Variants in PIEZO2 observed in about 807,000 individuals in gnomAD.
The protein encoded by PIEZO2 is piezo-type mechanosensitive ion channel component 2.
In PIEZO2, 172 loss-of-function variants were observed where a neutral mutation model predicts 337.3. The observed-to-expected ratio is 0.51, with a 90% CI of 0.45 to 0.58. PIEZO2 has a LOEUF of 0.58. Among genes scored for constraint, PIEZO2 ranks in the 20% least tolerant of loss-of-function variants. The probability of loss-of-function intolerance (pLI) is 0.00; values close to 1 mark genes in which losing one functional copy is unlikely to be tolerated. For missense variants in PIEZO2, 3,028 were observed against 3,391.3 expected, an observed-to-expected ratio of 0.89 and a Z score of 2.66; for synonymous variants, 1,251 against 1,228.5, an observed-to-expected ratio of 1.02 and a Z score of -0.38.
intron 2 of PIEZO2, among the ~76,000 whole-genome samples, chr18:11,054,023 C>T (rs1051626416): frequency 9.2e-5 from 14 of 152,110 alleles, no homozygotes; most frequent in African/African-American, 3.4e-4. Context: ...AACCCCATCT[C>T]AAAATAAACA....
At position 10,981,317 on chromosome 18, in the gene PIEZO2, T is replaced by C. The variant is rs190197819; in HGVS notation, c.161-1657A>G. ...CATCTTATGTAACACATAATAGATA[T>C]GAAATCCATAAAATATTAGCAAAAT... On this transcript the variant is annotated intron_variant, in intron 2 of 55. Coordinates refer to ENST00000674853, the MANE Select transcript of PIEZO2 (RefSeq NM_001378183.1). 2.6e-5 allele frequency among the ~76,000 whole-genome samples: 4 copies of C among 152,158 alleles called. 1 individual carries two copies. The highest frequency in any genetic ancestry group is 2.6e-4 in the Admixed American group (4 of 15,272).
chr18:10,813,366 G>T lies in PIEZO2; in HGVS notation c.918-6092C>A, dbSNP rs147721111. ...CCAATCGCCAGAACTTTTTCATCTT[G>T]CAAAACTAAAATTCTGTACACATTA... On this transcript the variant is annotated intron_variant, in intron 7 of 55. Transcript: ENST00000674853. The surrounding 1 kb of genome is among the most constrained non-coding windows in gnomAD (Gnocchi z 4.2). 2.1e-4 allele frequency among the ~76,000 whole-genome samples: 32 copies of T among 152,210 alleles called. No homozygotes were observed. In the East Asian group the frequency reaches 4.8e-3, roughly 23 times the overall value.
chr18:10,852,569 G>A (rs1272107375), intron 7 of PIEZO2, among the ~76,000 whole-genome samples: 1 of 152,138 alleles, frequency 6.6e-6, no homozygotes, highest in Non-Finnish European at 1.5e-5. Flanking sequence ...AGGCCACTGG[G>A]CCCTCTCACA....
At chr18:10,700,799 C>T (rs1052329973) in intron 43 of PIEZO2, among the ~76,000 whole-genome samples, 1 of 152,188 alleles carries the variant, frequency 6.6e-6, no homozygotes, top group Non-Finnish European at 1.5e-5. Flanking sequence ...ATTAACATAT[C>T]CAACAGAAGA....
At chr18:11,044,481 A>G (rs1015107332) in intron 2 of PIEZO2, among the ~76,000 whole-genome samples, 3 of 152,296 alleles carry the variant, frequency 2.0e-5, no homozygotes, top group Non-Finnish European at 4.4e-5. Context: ...TGTGAATCAA[A>G]TACAGAGAAT....
chr18:10,925,588 T>C (rs1568205382), intron 3 of PIEZO2, among the ~76,000 whole-genome samples: 1 of 152,148 alleles, frequency 6.6e-6, no homozygotes, highest in Non-Finnish European at 1.5e-5. Context: ...AAAAAAAATT[T>C]TTTTTTTCTG....
At chr18:10,885,501 G>A (rs908116006) in intron 4 of PIEZO2, among the ~76,000 whole-genome samples, 2 of 152,166 alleles carry the variant, frequency 1.3e-5, no homozygotes, top group Non-Finnish European at 2.9e-5. Context: ...CCCTCAGTTG[G>A]TGAAGTATGT....
At chr18:10,829,179 A>T (rs1189847) in intron 7 of PIEZO2, among the ~76,000 whole-genome samples, 2 of 152,022 alleles carry the variant, frequency 1.3e-5, no homozygotes, top group Admixed American at 1.3e-4. Flanking sequence ...GCTTATTTGC[A>T]TCACACAGAG....
chr18:11,129,424 T>C lies in PIEZO2; in HGVS notation c.64+19101A>G, dbSNP rs1489039766. 1.3e-5 allele frequency among the ~76,000 whole-genome samples: 2 copies of C among 151,884 alleles called. No individual in the cohort carries two copies. Among genetic ancestry groups the C allele is most frequent in the Non-Finnish European group, 2.9e-5 (2 of 67,976 alleles). Reference sequence around the variant, plus strand: ...TAGAGCTCTGGCATTGGCTAATTAATCATGGTGTTCCTAGAAGTGAAATTG... The same window carrying C: ...TAGAGCTCTGGCATTGGCTAATTAACCATGGTGTTCCTAGAAGTGAAATTG... On this transcript the variant is annotated intron_variant, in intron 1 of 55. Coordinates refer to ENST00000674853, the MANE Select transcript of PIEZO2 (RefSeq NM_001378183.1). This position sits in a 1 kb window ranked among gnomAD's most constrained non-coding sequence, Gnocchi z 4.6.
chr18:11,108,696 G>A (rs1020756595), intron 1 of PIEZO2, among the ~76,000 whole-genome samples: 2 of 148,450 alleles, frequency 1.3e-5, no homozygotes, highest in African/African-American at 4.9e-5. Flanking sequence ...TATGTTGTCT[G>A]ATTTTATTCC....
chr18:10,940,387 T>A lies in PIEZO2; in HGVS notation c.287-29159A>T, dbSNP rs1052289216. Among the ~76,000 whole-genome samples, 1 of 152,208 alleles carries A rather than the reference T, an allele frequency of 6.6e-6. No homozygotes were observed. Among genetic ancestry groups the A allele is most frequent in the Non-Finnish European group, 1.5e-5 (1 of 68,032 alleles). On this transcript the variant is annotated intron_variant, in intron 3 of 55. Transcript: ENST00000674853. This position sits in a 1 kb window ranked among gnomAD's most constrained non-coding sequence, Gnocchi z 5.3. ...CTAGATACTGATTTCACAGGATCAG[T>A]GCTACATGGATGCCAACAACATAAG... is the stretch of plus-strand genomic sequence containing the variant.
chr18:10,948,319 A>C (rs988957472), intron 3 of PIEZO2, among the ~76,000 whole-genome samples: 1 of 152,186 alleles, frequency 6.6e-6, no homozygotes, highest in Admixed American at 6.5e-5. Flanking sequence ...TTTATTTATC[A>C]AAGCTTCTTT....
intron 39 of PIEZO2, among the ~76,000 whole-genome samples, chr18:10,710,197 T>C (rs1194585103): frequency 6.6e-6 from 1 of 152,266 alleles, no homozygotes; most frequent in Non-Finnish European, 1.5e-5. Context: ...GCCCTGTTTA[T>C]CTTGTTAACT....
chr18:11,008,836 C>T (rs1021211384), intron 2 of PIEZO2, among the ~76,000 whole-genome samples: 9 of 152,070 alleles, frequency 5.9e-5, no homozygotes, highest in Non-Finnish European at 8.8e-5. Context: ...TAAGGGTAAG[C>T]GGGTGTTCTA....
At chr18:10,868,900 GTTATTT>G (rs1221986161) in intron 5 of PIEZO2, among the ~76,000 whole-genome samples, 2 of 152,216 alleles carry the variant, frequency 1.3e-5, no homozygotes, top group African/African-American at 4.8e-5. Context: ...GGTCATGTAA[GTTATTT>G]TTATAAGAAG....
chr18:10,979,389 TG>T lies in PIEZO2; in HGVS notation c.286+145del, dbSNP rs2034577446. The stretch of plus-strand genomic sequence containing the variant: ...AAAGCTTCTTTATATATATTTACAC[TG>T]CATTGCCAAAGACCAAAAATTTCCA... On this transcript the variant is annotated intron_variant, in intron 3 of 55. Coordinates refer to ENST00000674853, the MANE Select transcript of PIEZO2 (RefSeq NM_001378183.1). The surrounding 1 kb of genome is among the most constrained non-coding windows in gnomAD (Gnocchi z 4.0). 3 of 755,720 alleles carry T rather than the reference TG, an allele frequency of 4.0e-6. No homozygotes were observed. The African/African-American group carries it at 5.3e-5, about 13-fold the overall frequency. The allele number at this position is 755,720 out of a possible 1,614,324, so 46.8% of individuals were successfully genotyped here. A position where few individuals can be genotyped will look rare whatever the true frequency, so the allele number is the denominator to read the frequency against.
Position 10,753,152 on chromosome 18 carries a change from T to C in PIEZO2, c.3924-273A>G, listed in dbSNP as rs951681171. 9.2e-5 allele frequency among the ~76,000 whole-genome samples: 14 copies of C among 152,360 alleles called. No homozygotes were observed. In the South Asian group the frequency reaches 1.0e-3, roughly 11 times the overall value. ...CATTTTCTGCCTACCACTTGAGTAT[T>C]CAAAATTCTCCTTTCTGTTTCTATG... On this transcript the variant is annotated intron_variant, in intron 27 of 55. Coordinates refer to ENST00000674853, the MANE Select transcript of PIEZO2 (RefSeq NM_001378183.1).
At chr18:10,700,634 T>C (rs1029102375) in intron 43 of PIEZO2, among the ~76,000 whole-genome samples, 1 of 152,116 alleles carries the variant, frequency 6.6e-6, no homozygotes, top group African/African-American at 2.4e-5. Flanking sequence ...CAAAAGAATG[T>C]AAAGGTTGCA....
chr18:10,754,397 T>C (rs1037160448), intron 27 of PIEZO2, among the ~76,000 whole-genome samples: 2 of 152,186 alleles, frequency 1.3e-5, no homozygotes, highest in African/African-American at 4.8e-5. Context: ...AGCAAGCATG[T>C]GCGCTGGCTT....
Sources: allele counts gnomAD v4.1 joint callset (sites outside exome capture counted in the v4.1 genomes callset), GRCh38; gene constraint gnomAD v4.1.1; non-coding constraint Gnocchi (gnomAD v3.1); transcripts MANE v1.5; gene names NCBI Gene and HGNC (gene_info 2026-07-23, HGNC 2026-07-21).